Variants in PDS5B observed in about 807,000 individuals in gnomAD.
The protein encoded by PDS5B is PDS5 cohesin associated factor B.
PDS5B carries 51 observed loss-of-function variants against 184.1 expected under a neutral mutation model. The ratio of observed to expected loss-of-function variants is 0.28; its 90% CI spans 0.22 to 0.35. The LOEUF (loss-of-function observed/expected upper bound fraction) is 0.35, where lower values mean the gene tolerates loss of function less well. Ranked by LOEUF, PDS5B falls within the 10% of genes least tolerant of loss-of-function variation. The pLI, the probability that PDS5B is intolerant of heterozygous loss-of-function variation, is 1.00. For missense variants in PDS5B, 1,180 were observed against 1,723.3 expected, an observed-to-expected ratio of 0.68 and a Z score of 5.58; for synonymous variants, 566 against 569.2, an observed-to-expected ratio of 0.99 and a Z score of 0.08.
intron 1 of PDS5B, among the ~76,000 whole-genome samples, chr13:32,625,240 C>T (rs906952276): frequency 2.6e-5 from 4 of 152,116 alleles, no homozygotes; most frequent in Admixed American, 2.6e-4. Flanking sequence ...CCTGAGCCTT[C>T]TGAGTAGCTG....
intron 12 of PDS5B, among the ~76,000 whole-genome samples, 167 bp from the exon 13 acceptor site, chr13:32,688,289 G>A: frequency 6.6e-6 from 1 of 151,778 alleles, no homozygotes; most frequent in Non-Finnish European, 1.5e-5. Flanking sequence ...ATCCTGTTTT[G>A]GTCCCCTTCT....
rs1214343317 is a variant in PDS5B at position 32,777,339 on chromosome 13, TTTTC to T, written c.*2299_*2302del. 7.3e-5 allele frequency: 10 copies of T among 137,782 alleles called. No homozygotes were observed. The highest frequency in any genetic ancestry group is 1.5e-4 in the Admixed American group (2 of 13,096). 8.5% of individuals were successfully genotyped at this position (137,782 alleles called of 1,614,324 possible). A position where few individuals can be genotyped will look rare whatever the true frequency, so the allele number is the denominator to read the frequency against. ...GGGTGGATTACGATGTAAATTTTTC[TTTTC>T]TTTCTTTCTTTTTTTTTTTTTTTGT... On this transcript the variant is annotated 3_prime_UTR_variant, in exon 35 of 35. Transcript: ENST00000315596.
chr13:32,771,681 G>T (rs1954791190), intron 33 of PDS5B, among the ~76,000 whole-genome samples: 1 of 151,966 alleles, frequency 6.6e-6, no homozygotes, highest in Non-Finnish European at 1.5e-5. Context: ...TTTCTATCAG[G>T]TTAAAAGTAA....
intron 31 of PDS5B, among the ~76,000 whole-genome samples, chr13:32,767,929 T>G (rs1168445586): frequency 1.3e-5 from 2 of 152,234 alleles, no homozygotes; most frequent in Non-Finnish European, 2.9e-5. Flanking sequence ...ATATTGTGCT[T>G]CTGTTATGAT....
chr13:32,720,244 T>C (rs537762608), intron 19 of PDS5B, among the ~76,000 whole-genome samples: 1 of 152,162 alleles, frequency 6.6e-6, no homozygotes, highest in Non-Finnish European at 1.5e-5. Flanking sequence ...ATCAAGGAAA[T>C]ACAAATATAA....
At chr13:32,652,131 T>C in intron 3 of PDS5B, 124 bp downstream of exon 3, 1 of 695,568 alleles carries the variant, frequency 1.4e-6, no homozygotes. Flanking sequence ...CAGTAATCTT[T>C]TGCTAAACTT....
In PDS5B at chr13:32,667,911, A is replaced by C. The variant is rs981343751; in HGVS notation, c.705+67A>C. On this transcript the variant is annotated intron_variant, in intron 7 of 34. Coordinates refer to ENST00000315596, the MANE Select transcript of PDS5B (RefSeq NM_015032.4). ...AAAATTTAAAGACTTGCTAGAAGCA[A>C]AATTTCATCAGATAGTATATAGTTT... 4 of 813,704 alleles carry C rather than the reference A, an allele frequency of 4.9e-6. No individual in the cohort carries two copies. The East Asian group carries it at 8.3e-5, about 17-fold the overall frequency. 50.4% of individuals were successfully genotyped at this position (813,704 alleles called of 1,614,324 possible). A position where few individuals can be genotyped will look rare whatever the true frequency, so the allele number is the denominator to read the frequency against.
At chr13:32,691,160 A>T (rs1373378808) in intron 13 of PDS5B, 2 of 151,956 alleles carry the variant, frequency 1.3e-5, no homozygotes, top group Non-Finnish European at 2.9e-5. Context: ...GTTTCCTTTA[A>T]AAATTTTTTT....
chr13:32,746,581 G>A (rs1226763169), intron 24 of PDS5B, among the ~76,000 whole-genome samples: 1 of 152,170 alleles, frequency 6.6e-6, no homozygotes, highest in Non-Finnish European at 1.5e-5. Flanking sequence ...GAATATCAGA[G>A]CCTTCTTGTG....
chr13:32,721,367 CG>C (rs1409782434), intron 19 of PDS5B, among the ~76,000 whole-genome samples: 1 of 151,088 alleles, frequency 6.6e-6, no homozygotes, highest in Non-Finnish European at 1.5e-5. Context: ...ACCTCCCAGA[CG>C]GGGTGGCTGC....
chr13:32,672,636 T>G (rs895895879), intron 7 of PDS5B, among the ~76,000 whole-genome samples: 2 of 151,944 alleles, frequency 1.3e-5, no homozygotes, highest in African/African-American at 4.8e-5. Context: ...ATTTCTGGAG[T>G]CCAAAGGCAG....
chr13:32,676,759 G>A (rs577206654), intron 9 of PDS5B, among the ~76,000 whole-genome samples: 8 of 151,846 alleles, frequency 5.3e-5, no homozygotes, highest in African/African-American at 1.9e-4. Context: ...GTGAAACCCA[G>A]TCTCTATTAA....
chr13:32,720,609 A>T (rs1952637476), intron 19 of PDS5B, among the ~76,000 whole-genome samples: 1 of 150,456 alleles, frequency 6.6e-6, no homozygotes, highest in Non-Finnish European at 1.5e-5. Context: ...TTTATTTTTT[A>T]TTTTTATTTA....
chr13:32,597,549 G>T (rs1019689645), intron 1 of PDS5B, among the ~76,000 whole-genome samples: 30 of 151,892 alleles, frequency 2.0e-4, no homozygotes, highest in Middle Eastern at 3.4e-3. Context: ...AAAGAGGCCG[G>T]GCGCAGTGGC....
intron 21 of PDS5B, among the ~76,000 whole-genome samples, chr13:32,738,319 CTT>C (rs762550136): frequency 2.6e-5 from 4 of 152,064 alleles, no homozygotes; most frequent in Non-Finnish European, 5.9e-5. Context: ...TTTGTTAAAA[CTT>C]ATTTTTCTAT....
rs143687825 is a variant in PDS5B at position 32,614,724 on chromosome 13, C to T, written c.-20+28131C>T. On this transcript the variant is annotated intron_variant, in intron 1 of 34. Transcript: ENST00000315596. ...CAGGTTTATTTTACAAACGTAAAAACGTTCAAAATGGTTGAGTGAGCTGTC... is the reference window on the plus strand; with the variant it reads ...CAGGTTTATTTTACAAACGTAAAAATGTTCAAAATGGTTGAGTGAGCTGTC... 4.0e-3 allele frequency among the ~76,000 whole-genome samples: 604 copies of T among 152,304 alleles called. 5 individuals carry two copies. The highest frequency in any genetic ancestry group is 0.014 in the African/African-American group (576 of 41,562).
chr13:32,644,057 G>T (rs1950164092), intron 1 of PDS5B, among the ~76,000 whole-genome samples: 1 of 152,062 alleles, frequency 6.6e-6, no homozygotes, highest in Non-Finnish European at 1.5e-5. Flanking sequence ...GCTGCCTAGG[G>T]CTTCTAGCAT....
In PDS5B at chr13:32,699,744, C is replaced by G; in HGVS notation, c.1615C>G (p.Pro539Ala). The G allele has an allele frequency of 2.0e-6, 3 of 1,507,470 alleles. No homozygotes were observed. In the South Asian group the frequency reaches 4.3e-5, roughly 22 times the overall value. The allele number at this position is 1,507,470 out of a possible 1,614,324, so 93.4% of individuals were successfully genotyped here. A position where few individuals can be genotyped will look rare whatever the true frequency, so the allele number is the denominator to read the frequency against. ...TTTATTTTAAGGAAATTTACCTGAT[C>G]CTGGTAAGGCTCAGGATTTCATGAA... ...VMVITRNLPDPGKAQDFMKKF... is the reference protein window; with the variant it reads ...VMVITRNLPDAGKAQDFMKKF... The change falls in exon 16 of 35, where the codon CCT (proline) becomes GCT (alanine). Residue 539 changes from proline (P) to alanine (A), a missense_variant. Physicochemically the swap from Pro to Ala is conservative, Grantham distance 27 (BLOSUM62 -1). Transcript: ENST00000315596.
rs377761559 is a variant in PDS5B, at chr13:32,775,655, C to T, written c.*603C>T. 8.3e-5 allele frequency: 38 copies of T among 456,076 alleles called. No homozygotes were observed. Among genetic ancestry groups the T allele is most frequent in the East Asian group, 3.5e-4 (5 of 14,402 alleles). 28.3% of individuals were successfully genotyped at this position (456,076 alleles called of 1,614,324 possible). ...GTCTGCCATTACACCAGAAGGATGC[C>T]TCTGATAGGAGGACAACCATGCAAA... is the stretch of plus-strand genomic sequence containing the variant. On this transcript the variant is annotated 3_prime_UTR_variant, in exon 35 of 35. Coordinates refer to ENST00000315596, the MANE Select transcript of PDS5B (RefSeq NM_015032.4).
Sources: allele counts gnomAD v4.1 joint callset (sites outside exome capture counted in the v4.1 genomes callset), GRCh38; gene constraint gnomAD v4.1.1; transcripts MANE v1.5; gene names NCBI Gene and HGNC (gene_info 2026-07-23, HGNC 2026-07-21).